The following CADPS variants were observed in gnomAD, a reference collection of about 807,000 sequenced individuals.
CADPS encodes the protein calcium-dependent secretion activator 1.
A neutral mutation model predicts 167.3 loss-of-function variants in CADPS; 57 were observed. The observed-to-expected ratio is 0.34, with a 90% CI of 0.28 to 0.42. The LOEUF is 0.42. Ranked by LOEUF, CADPS falls within the 20% of genes least tolerant of loss-of-function variation. CADPS has a pLI of 1.00. For missense variants in CADPS, 1,414 were observed against 1,738.1 expected (o/e 0.81, Z 3.32); for synonymous variants, 676 against 635.3 (o/e 1.06, Z -0.96).
intron 3 of CADPS, among the ~76,000 whole-genome samples, chr3:62,708,199 C>G (rs1340504736): frequency 6.6e-6 from 1 of 151,454 alleles, no homozygotes; most frequent in Admixed American, 6.6e-5. Context: ...GCTGGGATGA[C>G]AGGCATGAGC....
chr3:62,757,364 A>G (rs937535747), intron 2 of CADPS, among the ~76,000 whole-genome samples: 4 of 152,130 alleles, frequency 2.6e-5, no homozygotes, highest in Non-Finnish European at 5.9e-5. Flanking sequence ...CAGCTAGACT[A>G]TAAGTTCCAG....
intron 1 of CADPS, among the ~76,000 whole-genome samples, chr3:62,837,034 C>G (rs537355930): frequency 6.6e-6 from 1 of 152,086 alleles, no homozygotes; most frequent in Non-Finnish European, 1.5e-5. Context: ...GGCTTTACAC[C>G]TTTTCTTAGT....
intron 1 of CADPS, among the ~76,000 whole-genome samples, chr3:62,807,324 TGATC>T (rs745516947): frequency 0.18 from 27,531 of 151,110 alleles, 2,823 homozygotes; most frequent in Middle Eastern, 0.32. Context: ...GGCACTGGCG[TGATC>T]TCAGCTCACT....
chr3:62,657,662 G>T (rs768975768), intron 4 of CADPS, among the ~76,000 whole-genome samples: 9 of 152,158 alleles, frequency 5.9e-5, no homozygotes, highest in Non-Finnish European at 1.0e-4. Flanking sequence ...CAGCATGACT[G>T]ATGTTCACAG....
intron 4 of CADPS, among the ~76,000 whole-genome samples, chr3:62,651,718 G>A (rs1011342049): frequency 5.9e-5 from 9 of 152,248 alleles, no homozygotes; most frequent in Admixed American, 5.9e-4. Flanking sequence ...ACATTTAGTT[G>A]TAATTGCAAC....
Position 62,779,303 on chromosome 3 carries a change from C to T in CADPS, c.442-13319G>A, listed in dbSNP as rs867427580. On this transcript the variant is annotated intron_variant, in intron 1 of 29. Transcript: ENST00000383710. The stretch of plus-strand genomic sequence containing the variant: ...TGGGCAGGAAACTTCTGGGTTGCAG[C>T]CTTCTTTCCCGCAGTGGTCATCTTT... 4 of 376,158 alleles carry T rather than the reference C, an allele frequency of 1.1e-5. No homozygotes were observed. In the Admixed American group the frequency reaches 1.4e-4, roughly 13 times the overall value. The allele number at this position is 376,158 out of a possible 1,614,324, so 23.3% of individuals were successfully genotyped here.
At chr3:62,456,763 T>TA (rs11368866) in intron 26 of CADPS, among the ~76,000 whole-genome samples, 20,103 of 129,128 alleles carry the variant, frequency 0.16, 2,946 homozygotes, top group African/African-American at 0.41. Flanking sequence ...TATCACTGTC[T>TA]AAAAAAAAAA....
intron 1 of CADPS, among the ~76,000 whole-genome samples, chr3:62,800,023 T>C (rs1046548482): frequency 4.6e-5 from 7 of 152,172 alleles, no homozygotes; most frequent in African/African-American, 1.7e-4. Context: ...CTTATAAGAT[T>C]GGGCTTTCCT....
At position 62,820,893 on chromosome 3, in the gene CADPS, C is replaced by T. The variant is rs186103773; in HGVS notation, c.441+53696G>A. ...TTGGCTCACTGTGACCTCTGCCTCC[C>T]AGGTTCAAGCCATTCTCCTGCCTCA... On this transcript the variant is annotated intron_variant, in intron 1 of 29. Coordinates refer to ENST00000383710, the MANE Select transcript of CADPS (RefSeq NM_003716.4). Among the ~76,000 whole-genome samples, 1,040 of 151,684 alleles carry T rather than the reference C, an allele frequency of 6.9e-3. 11 individuals are homozygous for T. Among genetic ancestry groups the T allele is most frequent in the Non-Finnish European group, 9.0e-3 (608 of 67,896 alleles).
At chr3:62,857,973 G>C (rs1478096108) in intron 1 of CADPS, among the ~76,000 whole-genome samples, 3 of 152,078 alleles carry the variant, frequency 2.0e-5, no homozygotes, top group African/African-American at 7.2e-5. Flanking sequence ...ATAAGAAGCT[G>C]CTTCCTACAA....
At chr3:62,551,347 G>A (rs1230627641) in intron 10 of CADPS, among the ~76,000 whole-genome samples, 2 of 152,084 alleles carry the variant, frequency 1.3e-5, no homozygotes, top group Non-Finnish European at 2.9e-5. Flanking sequence ...AATTCTGATG[G>A]TTCCACCGTT....
chr3:62,745,272 C>T (rs2081210849), intron 3 of CADPS, among the ~76,000 whole-genome samples: 1 of 152,066 alleles, frequency 6.6e-6, no homozygotes, highest in Admixed American at 6.6e-5. Flanking sequence ...GGCATTTCAC[C>T]ATGTTGCCCA....
At chr3:62,791,072 T>C (rs1469405167) in intron 1 of CADPS, among the ~76,000 whole-genome samples, 4 of 152,096 alleles carry the variant, frequency 2.6e-5, no homozygotes, top group Non-Finnish European at 5.9e-5. Context: ...TCAAGTGACT[T>C]ACATATGACT....
At chr3:62,827,099 T>A (rs758909639) in intron 1 of CADPS, among the ~76,000 whole-genome samples, 1 of 152,128 alleles carries the variant, frequency 6.6e-6, no homozygotes, top group East Asian at 1.9e-4. Flanking sequence ...GCAGACAAGA[T>A]CAGACAATGT....
chr3:62,490,200 C>T (rs2063471714), intron 21 of CADPS, among the ~76,000 whole-genome samples: 1 of 152,130 alleles, frequency 6.6e-6, no homozygotes, highest in South Asian at 2.1e-4. Context: ...AATATTTGTT[C>T]TGGAGTTCCT....
intron 6 of CADPS, among the ~76,000 whole-genome samples, chr3:62,598,821 T>C (rs946664683): frequency 1.3e-5 from 2 of 152,164 alleles, no homozygotes; most frequent in East Asian, 3.9e-4. Context: ...CTTGATTAAA[T>C]CAACATGAGT....
intron 3 of CADPS, among the ~76,000 whole-genome samples, chr3:62,686,606 A>ATTTCATAATATGTT (rs760267622): frequency 2.2e-4 from 33 of 152,014 alleles, no homozygotes; most frequent in Non-Finnish European, 4.3e-4. Flanking sequence ...AGGCTAACAT[A>ATTTCATAATATGTT]ATCCCCATAT....
intron 3 of CADPS, among the ~76,000 whole-genome samples, chr3:62,715,377 T>TCTATCTAC (rs1554105706): frequency 2.3e-5 from 3 of 132,998 alleles, no homozygotes; most frequent in African/African-American, 8.3e-5. Flanking sequence ...TATCTACCTA[T>TCTATCTAC]CTATCTATCT....
chr3:62,417,082 A>T (rs2050209809), intron 28 of CADPS, among the ~76,000 whole-genome samples: 1 of 151,654 alleles, frequency 6.6e-6, no homozygotes, highest in Non-Finnish European at 1.5e-5. Context: ...CGCATTTTTC[A>T]CTGGCCTGTG....
Sources: gnomAD v4.1 joint callset for allele counts (sites outside exome capture counted in the v4.1 genomes callset) on GRCh38, gnomAD v4.1.1 for gene constraint, MANE v1.5 for transcripts, NCBI Gene and HGNC (gene_info 2026-07-23, HGNC 2026-07-21) for gene names.